PDLIM1: variants seen among roughly 807,000 people sequenced by gnomAD.
PDLIM1 encodes the protein PDZ and LIM domain protein 1.
In PDLIM1, 25 loss-of-function variants were observed where a neutral mutation model predicts 35.2. The observed-to-expected ratio is 0.71, with a 90% CI of 0.52 to 0.99. The LOEUF is 0.99. Ranked by LOEUF, PDLIM1 falls within the 50% of genes least tolerant of loss-of-function variation. PDLIM1 has a pLI of 0.00. For missense variants in PDLIM1, 363 were observed against 415.3 expected (o/e 0.87, Z 1.09); for synonymous variants, 152 against 154.0 (o/e 0.99, Z 0.10).
At chr10:95,271,208 AG>A (rs1284503487) in intron 2 of PDLIM1, among the ~76,000 whole-genome samples, 5 of 151,200 alleles carry the variant, frequency 3.3e-5, no homozygotes, top group Admixed American at 6.6e-5. Context: ...AGGCCAAGGC[AG>A]GTGGATCACC....
At chr10:95,240,533 C>T (rs2035169230) in intron 5 of PDLIM1, among the ~76,000 whole-genome samples, 1 of 152,144 alleles carries the variant, frequency 6.6e-6, no homozygotes, top group Non-Finnish European at 1.5e-5. Flanking sequence ...GGAAGAATGG[C>T]TGATGGATGC....
intron 4 of PDLIM1, among the ~76,000 whole-genome samples, chr10:95,262,311 G>C (rs925165124): frequency 1.3e-5 from 2 of 152,168 alleles, no homozygotes; most frequent in African/African-American, 4.8e-5. Context: ...GTGAATTGGG[G>C]AGAAACTGAA....
chr10:95,253,672 A>G (rs1027482901), intron 4 of PDLIM1, among the ~76,000 whole-genome samples: 2 of 149,974 alleles, frequency 1.3e-5, no homozygotes, highest in Non-Finnish European at 3.0e-5. Context: ...AAAAAAAAAG[A>G]AGGAATCTTG....
At chr10:95,274,149 C>T (rs1232445023) in intron 1 of PDLIM1, among the ~76,000 whole-genome samples, 3 of 152,146 alleles carry the variant, frequency 2.0e-5, no homozygotes, top group African/African-American at 7.2e-5. Context: ...CCACTGGGCT[C>T]CAGCTACAGG....
chr10:95,289,643 G>A (rs974241164), intron 1 of PDLIM1, among the ~76,000 whole-genome samples: 1 of 152,214 alleles, frequency 6.6e-6, no homozygotes, highest in African/African-American at 2.4e-5. Context: ...GCAGGAGCTT[G>A]AGTCAAAAGG....
Position 95,281,594 on chromosome 10 carries a change from C to T in PDLIM1, c.96+9226G>A, listed in dbSNP as rs1373591680. On this transcript the variant is annotated intron_variant, in intron 1 of 6. Coordinates refer to ENST00000329399, the MANE Select transcript of PDLIM1 (RefSeq NM_020992.4). ...ACAAAACACAAACAAAAAAATACAGCCCCTGTAATGTTGGTTAACACCCCT... is the reference window on the plus strand; with the variant it reads ...ACAAAACACAAACAAAAAAATACAGTCCCTGTAATGTTGGTTAACACCCCT... 3.9e-5 allele frequency among the ~76,000 whole-genome samples: 6 copies of T among 152,160 alleles called. No individual in the cohort carries two copies. The East Asian group carries it at 1.2e-3, about 29-fold the overall frequency.
At chr10:95,279,823 G>C (rs145856916) in intron 1 of PDLIM1, among the ~76,000 whole-genome samples, 11 of 152,256 alleles carry the variant, frequency 7.2e-5, no homozygotes, top group Non-Finnish European at 8.8e-5. Flanking sequence ...AACAGTTTTG[G>C]TGGGCAAAGA....
intron 1 of PDLIM1, among the ~76,000 whole-genome samples, chr10:95,278,814 A>G (rs542066679): frequency 3.9e-5 from 6 of 152,278 alleles, no homozygotes; most frequent in African/African-American, 1.4e-4. Context: ...TGCATTTGAC[A>G]GATACTCTAA....
At chr10:95,246,880 G>A (rs2035226247) in intron 5 of PDLIM1, among the ~76,000 whole-genome samples, 1 of 152,106 alleles carries the variant, frequency 6.6e-6, no homozygotes, top group African/African-American at 2.4e-5. Context: ...TATTGTTTCT[G>A]GGCTCAAAGC....
In PDLIM1 at chr10:95,269,294, G is replaced by C. The variant is rs186165117; in HGVS notation, c.249-432C>G. ...CAAATGAAAATAATGCCTCTTGGCCGGGCGTGGTGGCTCACGCCTGTAATC... is the reference window on the plus strand; with the variant it reads ...CAAATGAAAATAATGCCTCTTGGCCCGGCGTGGTGGCTCACGCCTGTAATC... On this transcript the variant is annotated intron_variant, in intron 2 of 6. Transcript: ENST00000329399. Among the ~76,000 whole-genome samples, 94 of 152,292 alleles carry C rather than the reference G, an allele frequency of 6.2e-4. 2 individuals are homozygous for C. The East Asian group carries it at 0.015, about 25-fold the overall frequency.
At chr10:95,251,156 A>T (rs1400783631) in intron 4 of PDLIM1, among the ~76,000 whole-genome samples, 1 of 151,926 alleles carries the variant, frequency 6.6e-6, no homozygotes, top group East Asian at 1.9e-4. Flanking sequence ...GCTCTGGAGC[A>T]TGGGTCAGCA....
chr10:95,288,922 C>T (rs913147021), intron 1 of PDLIM1, among the ~76,000 whole-genome samples: 4 of 152,242 alleles, frequency 2.6e-5, no homozygotes, highest in Admixed American at 2.0e-4. Context: ...GAATATGATA[C>T]GTGCTCATTA....
intron 1 of PDLIM1, among the ~76,000 whole-genome samples, chr10:95,275,942 T>C (rs2035508121): frequency 6.6e-6 from 1 of 152,106 alleles, no homozygotes. Context: ...TCTCAGAAAG[T>C]CACAAGCAAC....
At chr10:95,241,584 G>A (rs2035178467) in intron 5 of PDLIM1, among the ~76,000 whole-genome samples, 1 of 152,160 alleles carries the variant, frequency 6.6e-6, no homozygotes, top group African/African-American at 2.4e-5. Flanking sequence ...CCACAACAAG[G>A]ACTCATATGG....
At chr10:95,282,115 T>C (rs554412163) in intron 1 of PDLIM1, among the ~76,000 whole-genome samples, 6 of 152,362 alleles carry the variant, frequency 3.9e-5, no homozygotes, top group African/African-American at 9.6e-5. Context: ...GAGATTCAAG[T>C]TCAATCGCAA....
chr10:95,282,577 G>A (rs1018579045), intron 1 of PDLIM1, among the ~76,000 whole-genome samples: 8 of 152,154 alleles, frequency 5.3e-5, no homozygotes, highest in Non-Finnish European at 7.4e-5. Context: ...CTGAAAGACC[G>A]ACCACCATTT....
intron 5 of PDLIM1, among the ~76,000 whole-genome samples, chr10:95,246,071 A>T (rs1173202747): frequency 6.6e-6 from 1 of 152,114 alleles, no homozygotes; most frequent in Non-Finnish European, 1.5e-5. Context: ...TCCATGAGAG[A>T]GATAGAGGGC....
At chr10:95,286,696 A>G (rs1184393608) in intron 1 of PDLIM1, among the ~76,000 whole-genome samples, 1 of 152,190 alleles carries the variant, frequency 6.6e-6, no homozygotes, top group Admixed American at 6.5e-5. Context: ...CCTATCCTTT[A>G]CAAGGAAGTT....
At chr10:95,266,679 A>G (rs1025160160) in intron 3 of PDLIM1, among the ~76,000 whole-genome samples, 2 of 152,194 alleles carry the variant, frequency 1.3e-5, no homozygotes, top group African/African-American at 4.8e-5. Context: ...CCACCGAAAC[A>G]CATTTCCAAT....
Sources: gnomAD v4.1 joint callset for allele counts (sites outside exome capture counted in the v4.1 genomes callset) on GRCh38, gnomAD v4.1.1 for gene constraint, MANE v1.5 for transcripts, NCBI Gene and HGNC (gene_info 2026-07-23, HGNC 2026-07-21) for gene names.